IMPG1: variants seen among roughly 807,000 people sequenced by gnomAD.
IMPG1 encodes interphotoreceptor matrix proteoglycan 1, also known as interphotoreceptor matrix proteoglycan of 150 kDa.
A neutral mutation model predicts 92.0 loss-of-function variants in IMPG1; 85 were observed. The ratio of observed to expected loss-of-function variants is 0.92; its 90% CI spans 0.78 to 1.11. The LOEUF (loss-of-function observed/expected upper bound fraction) is 1.11, where lower values mean the gene tolerates loss of function less well. Ranked by LOEUF, IMPG1 falls within the 50% of genes least tolerant of loss-of-function variation. The pLI, the probability that IMPG1 is intolerant of heterozygous loss-of-function variation, is 0.00. For synonymous variants in IMPG1, 367 were observed against 334.1 expected (o/e 1.10, Z -1.08); for missense variants, 1,022 against 956.0 (o/e 1.07, Z -0.91).
chr6:76,003,023 T>C (rs761720817), intron 11 of IMPG1, 27 bp from the exon 12 acceptor site: 1 of 1,549,956 alleles, frequency 6.5e-7, no homozygotes, highest in Non-Finnish European at 8.9e-7. Flanking sequence ...GCAAGACAGA[T>C]GTTGAGAAAG....
chr6:76,041,772 T>A, intron 2 of IMPG1, 121 bp downstream of exon 2: 3 of 661,440 alleles, frequency 4.5e-6, no homozygotes, highest in Non-Finnish European at 5.4e-6. Flanking sequence ...TAGGTTGATT[T>A]TTATAATTCT....
Position 75,983,060 on chromosome 6 carries a change from G to A in IMPG1, c.1291+19858C>T, listed in dbSNP as rs192472998. 4.6e-5 allele frequency among the ~76,000 whole-genome samples: 7 copies of A among 151,968 alleles called. No homozygotes were observed. In the East Asian group the frequency reaches 1.4e-3, roughly 30 times the overall value. On this transcript the variant is annotated intron_variant, in intron 12 of 16. Transcript: ENST00000369950. ...GCTGCAATTCAAGTGCAGCTAAAAT[G>A]GATAACTACATCCAGAAGATGTCAG...
chr6:76,035,736 T>C (rs1470506379), intron 2 of IMPG1, among the ~76,000 whole-genome samples: 1 of 152,180 alleles, frequency 6.6e-6, no homozygotes, highest in Non-Finnish European at 1.5e-5. Flanking sequence ...TTGTTAGTAC[T>C]TCCCTTTTGA....
At chr6:75,936,483 A>G (rs1304029103) in intron 14 of IMPG1, among the ~76,000 whole-genome samples, 1 of 152,268 alleles carries the variant, frequency 6.6e-6, no homozygotes, top group Non-Finnish European at 1.5e-5. Context: ...AGCACCATGC[A>G]CATGTTTGGA....
Position 76,034,746 on chromosome 6 carries a change from C to A in IMPG1, c.343G>T (p.Asp115Tyr), listed in dbSNP as rs145879105. 26 of 1,614,080 alleles carry A rather than the reference C, an allele frequency of 1.6e-5. No homozygotes were observed. The highest frequency in any genetic ancestry group is 2.2e-5 in the Non-Finnish European group (26 of 1,179,992). Residue 115 changes from aspartate (D) to tyrosine (Y), a missense_variant, in exon 3 of 17, where the codon GAT (aspartate) becomes TAT (tyrosine). Coordinates refer to ENST00000369950, the MANE Select transcript of IMPG1 (RefSeq NM_001563.4). ...AVWEAYRIFLDRIPDTGEYQD... is the reference protein window; with the variant it reads ...AVWEAYRIFLYRIPDTGEYQD... ...TATTCCCCTGTGTCAGGGATGCGAT[C>A]CAGAAAGATCCGATATGCTTCCCAT...
At chr6:76,049,427 C>T (rs1783999052) in intron 1 of IMPG1, among the ~76,000 whole-genome samples, 2 of 152,312 alleles carry the variant, frequency 1.3e-5, no homozygotes, top group African/African-American at 4.8e-5. Flanking sequence ...TCTGATACCA[C>T]ATGCATAGAT....
At position 75,931,096 on chromosome 6, in the gene IMPG1, T is replaced by A; in HGVS notation, c.2100A>T (p.Val700=). The A allele has an allele frequency of 1.2e-6, 2 of 1,614,212 alleles. No homozygotes were observed. Among genetic ancestry groups the A allele is most frequent in the Non-Finnish European group, 1.7e-6 (2 of 1,180,040 alleles). Reference sequence around the variant, plus strand: ...CCGCTTCCTCAGTCCGTTCGTTCTTTACACATTGGGCAAATTCGCCGCAGG... The same window carrying A: ...CCGCTTCCTCAGTCCGTTCGTTCTTAACACATTGGGCAAATTCGCCGCAGG... The part of the protein sequence containing the change: ...FLACGEFAQC[V]KNERTEEAEC... The change falls in exon 15 of 17, where the codon GTA becomes GTT. Residue 700 remains valine, a synonymous_variant. Transcript: ENST00000369950.
intron 8 of IMPG1, among the ~76,000 whole-genome samples, chr6:76,010,459 G>C (rs1783165720): frequency 6.6e-6 from 1 of 152,224 alleles, no homozygotes; most frequent in Admixed American, 6.5e-5. Flanking sequence ...CCACATGAGA[G>C]TGTTGGGATG....
At chr6:75,974,393 T>TTCCTTCCTTCC (rs1313714060) in intron 12 of IMPG1, among the ~76,000 whole-genome samples, 7 of 65,008 alleles carry the variant, frequency 1.1e-4, no homozygotes, top group African/African-American at 4.1e-4. Flanking sequence ...CTTTCTTTCT[T>TTCCTTCCTTCC]TTCTTTCTTT....
intron 15 of IMPG1, among the ~76,000 whole-genome samples, chr6:75,929,649 T>C (rs912271969): frequency 2.0e-5 from 3 of 150,622 alleles, no homozygotes; most frequent in African/African-American, 7.4e-5. Context: ...TGTATACATA[T>C]GTAACAAACC....
Position 76,022,166 on chromosome 6 carries a change from G to A in IMPG1, c.616C>T (p.Leu206Phe). The A allele has an allele frequency of 6.3e-7, 1 of 1,598,748 alleles. No homozygotes were observed. The highest frequency in any genetic ancestry group is 2.3e-5 in the East Asian group (1 of 44,166). ...PFPLTPDDTL[L>F]NEILDNTLND... is the part of the protein sequence containing the mutation. Reference sequence around the variant, plus strand: ...AGTGTATTATCGAGAATTTCATTGAGGAGGGTGTCATCAGGAGTGAGAGGG... The same window carrying A: ...AGTGTATTATCGAGAATTTCATTGAAGAGGGTGTCATCAGGAGTGAGAGGG... Residue 206 changes from leucine (L) to phenylalanine (F), a missense_variant, in exon 6 of 17, where the codon CTC (leucine) becomes TTC (phenylalanine). Physicochemically the swap from Leu to Phe is conservative, Grantham distance 22 (BLOSUM62 0). Transcript: ENST00000369950.
At chr6:76,057,414 G>C (rs139983656) in intron 1 of IMPG1, among the ~76,000 whole-genome samples, 4 of 152,262 alleles carry the variant, frequency 2.6e-5, no homozygotes, top group African/African-American at 9.6e-5. Context: ...GATGTGCAGT[G>C]GGGAAGAGAT....
chr6:75,938,542 G>C (rs934010526), intron 14 of IMPG1, among the ~76,000 whole-genome samples: 2 of 152,226 alleles, frequency 1.3e-5, no homozygotes, highest in Non-Finnish European at 2.9e-5. Flanking sequence ...GCCAGATGTG[G>C]TGGCTCATGC....
chr6:75,998,933 T>C (rs904729885), intron 12 of IMPG1, among the ~76,000 whole-genome samples: 1 of 152,140 alleles, frequency 6.6e-6, no homozygotes, highest in Non-Finnish European at 1.5e-5. Context: ...CTTGGCTCAC[T>C]GCAACCTCTG....
intron 12 of IMPG1, among the ~76,000 whole-genome samples, chr6:75,973,031 G>A (rs1582076849): frequency 6.6e-6 from 1 of 152,208 alleles, no homozygotes. Flanking sequence ...GAATGCAGTA[G>A]TACAATCATG....
chr6:75,999,033 T>G (rs917146992), intron 12 of IMPG1, among the ~76,000 whole-genome samples: 6 of 152,158 alleles, frequency 3.9e-5, no homozygotes, highest in Non-Finnish European at 7.3e-5. Flanking sequence ...ATTTTTGTAT[T>G]TTTAGTAGAG....
At chr6:75,974,452 C>G (rs188692382) in intron 12 of IMPG1, among the ~76,000 whole-genome samples, 1 of 123,774 alleles carries the variant, frequency 8.1e-6, no homozygotes, top group East Asian at 2.3e-4. Context: ...TTCCTTCCTT[C>G]TTTCTTCTTT....
Position 75,947,450 on chromosome 6 carries a change from A to G in IMPG1, c.1908T>C (p.Asn636=), listed in dbSNP as rs1343310114. The part of the protein sequence containing the change: ...LNFRNGSVIV[N]SKMKFAKSVP... ...CTGACTTAGCAAACTTCATTTTGCT[A>G]TTCACAATCACACTCCCGTTTCTGA... Residue 636 remains asparagine (N), a synonymous_variant, in exon 14 of 17, where the codon AAT becomes AAC. Coordinates refer to ENST00000369950, the MANE Select transcript of IMPG1 (RefSeq NM_001563.4). 2 of 1,613,846 alleles carry G rather than the reference A, an allele frequency of 1.2e-6. No homozygotes were observed. The highest frequency in any genetic ancestry group is 1.7e-6 in the Non-Finnish European group (2 of 1,179,832).
At chr6:76,014,210 C>T (rs1783243115) in intron 7 of IMPG1, among the ~76,000 whole-genome samples, 1 of 152,210 alleles carries the variant, frequency 6.6e-6, no homozygotes, top group African/African-American at 2.4e-5. Flanking sequence ...TATTTACTTT[C>T]TTATTCTCTA....
Sources: gnomAD v4.1 joint callset for allele counts (sites outside exome capture counted in the v4.1 genomes callset) on GRCh38, gnomAD v4.1.1 for gene constraint, MANE v1.5 for transcripts, NCBI Gene and HGNC (gene_info 2026-07-23, HGNC 2026-07-21) for gene names.